QRFPR: variants seen among roughly 807,000 people sequenced by gnomAD.
QRFPR encodes pyroglutamylated RF-amide peptide receptor.
In QRFPR, 37 loss-of-function variants were observed where a neutral mutation model predicts 31.3. The ratio of observed to expected loss-of-function variants is 1.18; its 90% CI spans 0.91 to 1.56. QRFPR has a LOEUF of 1.56. Ranked by LOEUF, QRFPR falls within the 40% of genes most tolerant of loss-of-function variation. The pLI, the probability that QRFPR is intolerant of heterozygous loss-of-function variation, is 0.00. For missense variants in QRFPR, 542 were observed against 532.5 expected (o/e 1.02, Z -0.18); for synonymous variants, 197 against 192.0 (o/e 1.03, Z -0.22).
intron 1 of QRFPR, among the ~76,000 whole-genome samples, chr4:121,357,327 G>A (rs1725889701): frequency 6.6e-6 from 1 of 152,014 alleles, no homozygotes; most frequent in Non-Finnish European, 1.5e-5. Context: ...CTAAGAGAGA[G>A]CATGAAAGCA....
chr4:121,365,674 T>TATATATATATTATATATTATATATATA (rs1726124237), intron 1 of QRFPR, among the ~76,000 whole-genome samples: 2 of 29,650 alleles, frequency 6.7e-5, no homozygotes, highest in African/African-American at 1.3e-4. Flanking sequence ...TTTTATATAT[T>TATATATATATTATATATTATATATATA]ATATATATAT....
At chr4:121,331,336 A>G (rs1007959762) in intron 4 of QRFPR, among the ~76,000 whole-genome samples, 1 of 151,326 alleles carries the variant, frequency 6.6e-6, no homozygotes, top group African/African-American at 2.4e-5. Context: ...GGTGCATGCC[A>G]CTACACCCAG....
At chr4:121,347,918 A>G (rs1343396764) in intron 1 of QRFPR, among the ~76,000 whole-genome samples, 1 of 152,158 alleles carries the variant, frequency 6.6e-6, no homozygotes, top group Non-Finnish European at 1.5e-5. Context: ...TTTATAGTCA[A>G]GATCCTTGTG....
chr4:121,343,686 A>G (rs1725589508), intron 1 of QRFPR, among the ~76,000 whole-genome samples: 1 of 152,212 alleles, frequency 6.6e-6, no homozygotes, highest in South Asian at 2.1e-4. Context: ...AAATTTAATC[A>G]GAACTTTTTC....
chr4:121,366,150 T>C (rs1470275827), intron 1 of QRFPR, among the ~76,000 whole-genome samples: 2 of 149,692 alleles, frequency 1.3e-5, no homozygotes, highest in Non-Finnish European at 3.0e-5. Flanking sequence ...AAAGTGAAAT[T>C]CTTCCCCGTC....
chr4:121,364,374 C>T (rs1356953649), intron 1 of QRFPR, among the ~76,000 whole-genome samples: 1 of 150,214 alleles, frequency 6.7e-6, no homozygotes, highest in African/African-American at 2.5e-5. Flanking sequence ...TGGTGGCTCA[C>T]GCCTGTAATC....
At chr4:121,356,977 G>A (rs1400034287) in intron 1 of QRFPR, among the ~76,000 whole-genome samples, 1 of 151,952 alleles carries the variant, frequency 6.6e-6, no homozygotes, top group East Asian at 1.9e-4. Flanking sequence ...ATCATACCAG[G>A]TTTCCGTTAG....
At chr4:121,359,946 C>T (rs556160147) in intron 1 of QRFPR, among the ~76,000 whole-genome samples, 67 of 150,188 alleles carry the variant, frequency 4.5e-4, no homozygotes, top group African/African-American at 1.6e-3. Context: ...GCTCCTTTCC[C>T]ACCTCGTTTT....
At chr4:121,372,576 C>A (rs1285022102) in intron 1 of QRFPR, among the ~76,000 whole-genome samples, 1 of 152,112 alleles carries the variant, frequency 6.6e-6, no homozygotes, top group Non-Finnish European at 1.5e-5. Context: ...AGCAATAACT[C>A]CCCACTCTGC....
At chr4:121,357,352 C>T (rs1332955578) in intron 1 of QRFPR, among the ~76,000 whole-genome samples, 1 of 151,684 alleles carries the variant, frequency 6.6e-6, no homozygotes, top group Non-Finnish European at 1.5e-5. Flanking sequence ...TAGTCAAGAA[C>T]GTAGGGGGTG....
rs540544550 is a variant in QRFPR, at chr4:121,329,188, G to A, written c.*126C>T. On this transcript the variant is annotated 3_prime_UTR_variant, in exon 6 of 6. Transcript: ENST00000394427. ...GACTAGCCTCGTGTCATTTTTTAAT[G>A]GAAACATGATTTGTTTTCTTCTTGT... 1.3e-6 allele frequency: 1 copy of A among 753,198 alleles called. No individual in the cohort carries two copies. Among genetic ancestry groups the A allele is most frequent in the Non-Finnish European group, 2.0e-6 (1 of 488,658 alleles). The allele number at this position is 753,198 out of a possible 1,614,324, so 46.7% of individuals were successfully genotyped here.
chr4:121,340,426 G>A (rs747051576), intron 2 of QRFPR, 26 bp downstream of exon 2: 2 of 1,612,250 alleles, frequency 1.2e-6, no homozygotes, highest in South Asian at 1.1e-5. Context: ...CATTCACACT[G>A]CCATTGGCAC....
At chr4:121,334,033 A>T (rs984688997) in intron 3 of QRFPR, among the ~76,000 whole-genome samples, 3 of 152,216 alleles carry the variant, frequency 2.0e-5, no homozygotes, top group Non-Finnish European at 2.9e-5. Context: ...GCAACTAGGA[A>T]TAACACTCAC....
intron 1 of QRFPR, among the ~76,000 whole-genome samples, chr4:121,342,326 C>A (rs1725558907): frequency 1.3e-5 from 2 of 152,178 alleles, no homozygotes; most frequent in South Asian, 4.1e-4. Flanking sequence ...TCCTGGGCAT[C>A]TAGGTGGCAG....
intron 1 of QRFPR, among the ~76,000 whole-genome samples, chr4:121,365,529 T>TA (rs1726085073): frequency 6.1e-5 from 2 of 32,788 alleles, no homozygotes; most frequent in African/African-American, 4.6e-4. Context: ...ATATATATTA[T>TA]ATATAATATA....
At chr4:121,369,834 C>T in intron 1 of QRFPR, 1 of 1,070,834 alleles carries the variant, frequency 9.3e-7, no homozygotes, top group Non-Finnish European at 1.5e-6. Flanking sequence ...GTGGACAGGG[C>T]TGATGCAGGT....
intron 3 of QRFPR, among the ~76,000 whole-genome samples, chr4:121,336,137 G>A (rs1224951692): frequency 2.6e-5 from 4 of 152,066 alleles, no homozygotes; most frequent in Admixed American, 2.6e-4. Context: ...ACTTATCTTA[G>A]GGGGTATGTA....
intron 1 of QRFPR, chr4:121,370,022 C>T (rs1726202816): frequency 3.9e-6 from 3 of 771,604 alleles, no homozygotes; most frequent in Non-Finnish European, 7.2e-6. Context: ...TTTGTGATCA[C>T]ATAATTCATG....
intron 1 of QRFPR, among the ~76,000 whole-genome samples, chr4:121,365,518 TATATATATTATATA>T (rs1560743460): frequency 3.2e-4 from 1 of 3,168 alleles, no homozygotes; most frequent in African/African-American, 2.6e-3. Flanking sequence ...TAATATATAT[TATATATATTATATA>T]TAATATATAT....
Sources: gnomAD v4.1 joint callset for allele counts (sites outside exome capture counted in the v4.1 genomes callset) on GRCh38, gnomAD v4.1.1 for gene constraint, MANE v1.5 for transcripts, NCBI Gene and HGNC (gene_info 2026-07-23, HGNC 2026-07-21) for gene names.